The following MICAL3 variants were observed in gnomAD, a reference collection of about 807,000 sequenced individuals.
MICAL3 encodes the protein microtubule associated monooxygenase, calponin and LIM domain containing 3.
A neutral mutation model predicts 207.4 loss-of-function variants in MICAL3; 62 were observed. The ratio of observed to expected loss-of-function variants is 0.30; its 90% CI spans 0.24 to 0.37. The LOEUF (loss-of-function observed/expected upper bound fraction) is 0.37, where lower values mean the gene tolerates loss of function less well. Among genes scored for constraint, MICAL3 ranks in the 10% least tolerant of loss-of-function variants. The pLI is 1.00. For synonymous variants in MICAL3, 1,077 were observed against 1,069.3 expected (o/e 1.01, Z -0.14); for missense variants, 2,368 against 2,635.6 (o/e 0.90, Z 2.22).
At position 17,827,771 on chromosome 22, in the gene MICAL3, C is replaced by T; in HGVS notation, c.3066G>A (p.Gln1022=). 6.5e-7 allele frequency: 1 copy of T among 1,549,998 alleles called. No homozygotes were observed. The highest frequency in any genetic ancestry group is 1.2e-5 in the South Asian group (1 of 84,040). ...EEEESSEAGN[Q]RLQQVMHAAD... ...CCGCGTGCATGACCTGCTGGAGCCTCTGGTTCCCGGCTAGTGTCCCAGGGT... is the reference window on the plus strand; with the variant it reads ...CCGCGTGCATGACCTGCTGGAGCCTTTGGTTCCCGGCTAGTGTCCCAGGGT... The change falls in exon 22 of 32, where the codon CAG becomes CAA. Residue 1022 remains glutamine, a synonymous_variant. Transcript: ENST00000441493.
chr22:17,867,814 C>T (rs896664119), intron 17 of MICAL3, among the ~76,000 whole-genome samples: 1 of 152,212 alleles, frequency 6.6e-6, no homozygotes, highest in Non-Finnish European at 1.5e-5. Flanking sequence ...TTACTTGTAA[C>T]CAAGAGCCTT....
chr22:17,810,052 C>CTTTT, intron 28 of MICAL3, among the ~76,000 whole-genome samples: 1 of 124,964 alleles, frequency 8.0e-6, no homozygotes, highest in African/African-American at 3.4e-5. Context: ...CTATGCCTGG[C>CTTTT]TATTTTTTTT....
intron 1 of MICAL3, among the ~76,000 whole-genome samples, chr22:17,988,817 TA>T (rs930199855): frequency 7.2e-5 from 11 of 152,240 alleles, no homozygotes; most frequent in African/African-American, 2.2e-4. Flanking sequence ...TTGTGACATG[TA>T]AAAATGACAT....
At chr22:17,998,164 C>A (rs1042736406) in intron 1 of MICAL3, among the ~76,000 whole-genome samples, 6 of 152,006 alleles carry the variant, frequency 3.9e-5, no homozygotes, top group African/African-American at 1.4e-4. Flanking sequence ...ATTAGCAGGG[C>A]GTGGTGGCAG....
intron 12 of MICAL3, among the ~76,000 whole-genome samples, chr22:17,890,132 C>A (rs7288300): frequency 6.6e-6 from 1 of 152,154 alleles, no homozygotes; most frequent in Non-Finnish European, 1.5e-5. Context: ...GAAGACTGAT[C>A]GCATTCTTCT....
rs529278031 is a variant in MICAL3 at position 17,932,686 on chromosome 22, T to C, written c.-74-25800A>G. 3.9e-4 allele frequency among the ~76,000 whole-genome samples: 59 copies of C among 152,072 alleles called. No homozygotes were observed. The East Asian group carries it at 4.4e-3, about 11-fold the overall frequency. On this transcript the variant is annotated intron_variant, in intron 1 of 31. Coordinates refer to ENST00000441493, the MANE Select transcript of MICAL3 (RefSeq NM_015241.3). ...CAATTAAAAGACACAGACTGGCAAA[T>C]TGAATAGAGTCAAGACCCATCAGTG... is the stretch of plus-strand genomic sequence containing the variant.
In MICAL3 at chr22:17,896,272, C is replaced by A; in HGVS notation, c.1296G>T (p.Thr432=). The A allele has an allele frequency of 1.3e-6, 2 of 1,557,624 alleles. No individual in the cohort carries two copies. The highest frequency in any genetic ancestry group is 1.7e-6 in the Non-Finnish European group (2 of 1,150,192). The change falls in exon 9 of 32, where the codon ACG becomes ACT. Residue 432 remains threonine (T), a synonymous_variant. Transcript: ENST00000441493. ...AWMVRSWSLG[T]SPLEVLAERE... is the part of the protein sequence containing the mutation. Reference sequence around the variant, plus strand: ...TCTCTGCCAGCACTTCCAAAGGGCTCGTTCCTAGAGACCAACTTCGGACCA... The same window carrying A: ...TCTCTGCCAGCACTTCCAAAGGGCTAGTTCCTAGAGACCAACTTCGGACCA...
chr22:17,871,579 T>TA (rs1458154827), intron 17 of MICAL3, among the ~76,000 whole-genome samples: 1 of 152,252 alleles, frequency 6.6e-6, no homozygotes, highest in Non-Finnish European at 1.5e-5. Context: ...AGAAAGCAAG[T>TA]AAGTGTCCCT....
intron 22 of MICAL3, among the ~76,000 whole-genome samples, chr22:17,823,441 C>T (rs887302799): frequency 3.3e-5 from 5 of 152,306 alleles, no homozygotes; most frequent in Admixed American, 6.5e-5. Context: ...GTGTGCTGAC[C>T]GCCTCACACA....
At chr22:17,824,900 C>T (rs1411026704) in intron 22 of MICAL3, among the ~76,000 whole-genome samples, 1 of 152,258 alleles carries the variant, frequency 6.6e-6, no homozygotes, top group Non-Finnish European at 1.5e-5. Flanking sequence ...GGCTGCACTA[C>T]ACCGATTCTG....
intron 1 of MICAL3, among the ~76,000 whole-genome samples, chr22:17,995,558 T>C (rs1280135094): frequency 1.4e-5 from 2 of 141,802 alleles, no homozygotes; most frequent in East Asian, 2.2e-4. Flanking sequence ...AAGGCTGGAA[T>C]GCAGTGGTGC....
intron 1 of MICAL3, among the ~76,000 whole-genome samples, chr22:18,011,571 A>AAT (rs1262203535): frequency 1.3e-5 from 2 of 148,974 alleles, no homozygotes; most frequent in African/African-American, 2.5e-5. Flanking sequence ...TCCGTCTAAA[A>AAT]ATATATATAT....
chr22:17,885,207 C>T (rs1929763357), intron 16 of MICAL3, among the ~76,000 whole-genome samples: 1 of 152,156 alleles, frequency 6.6e-6, no homozygotes, highest in Non-Finnish European at 1.5e-5. Flanking sequence ...GCTCATATTC[C>T]TAGGAAAATA....
rs1195226682 is a variant in MICAL3 at position 17,796,073 on chromosome 22, T to C, written c.5651-4772A>G. 6.6e-6 allele frequency among the ~76,000 whole-genome samples: 1 copy of C among 152,202 alleles called. No individual in the cohort carries two copies. Among genetic ancestry groups the C allele is most frequent in the African/African-American group, 2.4e-5 (1 of 41,456 alleles). On this transcript the variant is annotated intron_variant, in intron 29 of 31. Coordinates refer to ENST00000441493, the MANE Select transcript of MICAL3 (RefSeq NM_015241.3). This position sits in a 1 kb window ranked among gnomAD's most constrained non-coding sequence, Gnocchi z 4.4. ...TTCCATCTGTTGCTAACAGGTGCTATAATTTACCACTTCTCAAAGCACTCC... is the reference window on the plus strand; with the variant it reads ...TTCCATCTGTTGCTAACAGGTGCTACAATTTACCACTTCTCAAAGCACTCC...
chr22:18,019,200 A>C (rs969356017), intron 1 of MICAL3: 1 of 152,220 alleles, frequency 6.6e-6, no homozygotes, highest in Non-Finnish European at 1.5e-5. Context: ...GTCTCAAAAA[A>C]AAAAGGACCC....
At chr22:17,808,796 G>C (rs905291951) in intron 29 of MICAL3, 48 bp downstream of exon 29, 3 of 1,484,346 alleles carry the variant, frequency 2.0e-6, no homozygotes, top group African/African-American at 1.4e-5. Flanking sequence ...CACGGCGGGA[G>C]GGAGGGCTTC....
At chr22:17,863,056 C>T (rs1926686639) in intron 19 of MICAL3, 2 of 985,456 alleles carry the variant, frequency 2.0e-6, no homozygotes, top group South Asian at 4.7e-5. Context: ...TCTCTCCCCA[C>T]TATGTAGAAC....
chr22:17,947,270 C>G (rs1044693120), intron 1 of MICAL3, among the ~76,000 whole-genome samples: 6 of 152,248 alleles, frequency 3.9e-5, no homozygotes, highest in African/African-American at 1.4e-4. Flanking sequence ...ACCCAGAGGA[C>G]AGTGGGCCCC....
rs1456472351 is a variant in MICAL3 at position 17,877,484 on chromosome 22, T to G, written c.2242-5461A>C. On this transcript the variant is annotated intron_variant, in intron 16 of 31. Coordinates refer to ENST00000441493, the MANE Select transcript of MICAL3 (RefSeq NM_015241.3). ...GGGAGATTATGGAGGTTAGGGAGGT[T>G]ATGGAGGTTAGGGAGGTTATGGAGG... Among the ~76,000 whole-genome samples the G allele has an allele frequency of 2.9e-4, 38 of 129,152 alleles. 2 individuals are homozygous for G. The highest frequency in any genetic ancestry group is 4.0e-4 in the Non-Finnish European group (25 of 62,982). The allele number at this position is 129,152 out of a possible 152,430, so 84.7% of individuals were successfully genotyped here. A position where few individuals can be genotyped will look rare whatever the true frequency, so the allele number is the denominator to read the frequency against.
Sources: gnomAD v4.1 joint callset for allele counts (sites outside exome capture counted in the v4.1 genomes callset) on GRCh38, gnomAD v4.1.1 for gene constraint, Gnocchi (gnomAD v3.1) non-coding constraint, MANE v1.5 for transcripts, NCBI Gene and HGNC (gene_info 2026-07-23, HGNC 2026-07-21) for gene names.